The following NRXN1 variants were observed in gnomAD, a reference collection of about 807,000 sequenced individuals.
NRXN1 encodes neurexin 1, also known as neurexin-1.
Under a neutral mutation model 150.9 loss-of-function variants are expected in NRXN1, and 39 were observed. The ratio of observed to expected loss-of-function variants is 0.26; its 90% confidence interval spans 0.20 to 0.34. The LOEUF is 0.34. Ranked by LOEUF, NRXN1 falls within the 10% of genes least tolerant of loss-of-function variation. The pLI, the probability that NRXN1 is intolerant of heterozygous loss-of-function variation, is 1.00. For synonymous variants in NRXN1, 924 were observed against 757.0 expected (o/e 1.22, Z -3.62); for missense variants, 1,815 against 1,949.9 (o/e 0.93, Z 1.30).
intron 13 of NRXN1, among the ~76,000 whole-genome samples, chr2:50,502,123 C>T (rs557118960): frequency 1.5e-4 from 23 of 151,276 alleles, no homozygotes; most frequent in Middle Eastern, 3.4e-3. Flanking sequence ...TTATGTACTA[C>T]GTAAATCAAG....
At chr2:50,200,631 T>C (rs2152832882) in intron 18 of NRXN1, among the ~76,000 whole-genome samples, 1 of 152,242 alleles carries the variant, frequency 6.6e-6, no homozygotes, top group South Asian at 2.1e-4. Flanking sequence ...TGCCAAAACA[T>C]CCAATATATC....
intron 17 of NRXN1, among the ~76,000 whole-genome samples, chr2:50,303,007 A>C (rs2074304870): frequency 6.6e-6 from 1 of 152,158 alleles, no homozygotes; most frequent in Non-Finnish European, 1.5e-5. Context: ...AAGAGTCAAA[A>C]AAAAGTTTTT....
At chr2:50,315,908 G>T (rs1305870153) in intron 17 of NRXN1, among the ~76,000 whole-genome samples, 5 of 152,046 alleles carry the variant, frequency 3.3e-5, no homozygotes, top group South Asian at 2.1e-4. Flanking sequence ...TAAGACAGAA[G>T]AATAAAGTTT....
intron 18 of NRXN1, among the ~76,000 whole-genome samples, chr2:50,171,981 C>A (rs541782728): frequency 6.6e-6 from 1 of 152,216 alleles, no homozygotes; most frequent in Admixed American, 6.5e-5. Context: ...ATAGTCATGA[C>A]CCTCTTTACT....
At chr2:50,917,861 T>C (rs1157393586) in intron 5 of NRXN1, 1 of 149,986 alleles carries the variant, frequency 6.7e-6, no homozygotes, top group Non-Finnish European at 1.5e-5. Context: ...CAAAAGAAAA[T>C]GTATTAAAAA....
chr2:50,474,042 C>A (rs1234574807), intron 15 of NRXN1, among the ~76,000 whole-genome samples: 1 of 151,714 alleles, frequency 6.6e-6, no homozygotes, highest in Non-Finnish European at 1.5e-5. Context: ...TATTTACTTC[C>A]CCCCTTTTAC....
At chr2:50,495,755 C>T (rs762873773) in intron 15 of NRXN1, 150 bp downstream of exon 15, 5 of 553,300 alleles carry the variant, frequency 9.0e-6, no homozygotes, top group African/African-American at 7.7e-5. Context: ...GGAGCAGAGG[C>T]TTGTGTGTTG....
At chr2:50,345,131 A>G (rs559575182) in intron 17 of NRXN1, among the ~76,000 whole-genome samples, 36 of 152,328 alleles carry the variant, frequency 2.4e-4, no homozygotes, top group African/African-American at 8.7e-4. Context: ...AGCTTGGGAC[A>G]TCACTCTCGT....
At chr2:50,266,547 ACAC>A in intron 17 of NRXN1, among the ~76,000 whole-genome samples, 1 of 101,828 alleles carries the variant, frequency 9.8e-6, no homozygotes, top group African/African-American at 3.6e-5. Flanking sequence ...ACACACACAC[ACAC>A]ACACACACAC....
intron 9 of NRXN1, among the ~76,000 whole-genome samples, chr2:50,546,639 C>G (rs1421192521): frequency 6.6e-6 from 1 of 151,882 alleles, no homozygotes; most frequent in Non-Finnish European, 1.5e-5. Flanking sequence ...TGTGGAGAAA[C>G]AATAAATGAT....
At chr2:50,829,668 G>C (rs1671109559) in intron 5 of NRXN1, 9 of 1,611,676 alleles carry the variant, frequency 5.6e-6, no homozygotes, top group Admixed American at 1.7e-5. Context: ...CATCATAACA[G>C]GCTGACACAG....
chr2:50,528,872 A>C (rs1013258368), intron 11 of NRXN1: 12 of 451,196 alleles, frequency 2.7e-5, no homozygotes, highest in African/African-American at 2.5e-4. Context: ...CAATTCAAAC[A>C]AAGCTACATG....
chr2:50,494,342 T>C (rs2091438462), intron 15 of NRXN1, among the ~76,000 whole-genome samples: 1 of 152,204 alleles, frequency 6.6e-6, no homozygotes, highest in African/African-American at 2.4e-5. Flanking sequence ...GCTTTAGCTT[T>C]GGTGACTCGA....
intron 21 of NRXN1, among the ~76,000 whole-genome samples, chr2:49,992,712 C>G (rs1390225984): frequency 6.6e-6 from 1 of 151,998 alleles, no homozygotes; most frequent in Non-Finnish European, 1.5e-5. Flanking sequence ...ACAAAGAACT[C>G]GTAAAACTCA....
intron 5 of NRXN1, among the ~76,000 whole-genome samples, chr2:50,673,124 A>C (rs1689084908): frequency 6.6e-6 from 1 of 152,074 alleles, no homozygotes; most frequent in Non-Finnish European, 1.5e-5. Context: ...ATTAAAACTA[A>C]AAGTAGTTTA....
At chr2:50,313,925 T>G (rs1575047947) in intron 17 of NRXN1, among the ~76,000 whole-genome samples, 1 of 152,212 alleles carries the variant, frequency 6.6e-6, no homozygotes, top group South Asian at 2.1e-4. Flanking sequence ...TGTAAATATA[T>G]TAGCATATAA....
At chr2:50,579,565 C>A (rs1047775875) in intron 8 of NRXN1, among the ~76,000 whole-genome samples, 1 of 152,152 alleles carries the variant, frequency 6.6e-6, no homozygotes, top group African/African-American at 2.4e-5. Flanking sequence ...GGGAGGATCG[C>A]TTAACTCTGG....
chr2:50,422,066 T>C (rs536707539), intron 17 of NRXN1, among the ~76,000 whole-genome samples: 2 of 152,270 alleles, frequency 1.3e-5, no homozygotes, highest in East Asian at 3.9e-4. Context: ...AGGAGCTTAT[T>C]TGTGCTAGGA....
Position 50,908,362 on chromosome 2 carries a change from T to TACACACACACACAC in NRXN1, c.832+13493_832+13506dup, listed in dbSNP as rs71404979. On this transcript the variant is annotated intron_variant, in intron 5 of 22. Transcript: ENST00000401669. ...AAAAATACATACACACATTCACACA[T>TACACACACACACAC]ACACACACACACACACACACACAAC... 2.9e-3 allele frequency among the ~76,000 whole-genome samples: 435 copies of TACACACACACACAC among 148,216 alleles called. 5 individuals carry two copies. The highest frequency in any genetic ancestry group is 0.017 in the Middle Eastern group (5 of 290).
Sources: allele counts gnomAD v4.1 joint callset (sites outside exome capture counted in the v4.1 genomes callset), GRCh38; gene constraint gnomAD v4.1.1; transcripts MANE v1.5; gene names NCBI Gene and HGNC (gene_info 2026-07-23, HGNC 2026-07-21).